The following SLC68A1 variants were observed in gnomAD, a reference collection of about 807,000 sequenced individuals.
SLC68A1 encodes solute carrier family 68 member 1, also known as major facilitator superfamily domain containing 13A.
At chr10:102,469,919 G>A in the SLC68A1 span, 6 of 1,542,802 alleles carry the variant, frequency 3.9e-6, no homozygotes, top group Non-Finnish European at 4.4e-6. Flanking sequence ...GGGGTGGTGA[G>A]CAGGCTGAGG....
chr10:102,472,118 GCAC>G, the SLC68A1 span: 9 of 436,972 alleles, frequency 2.1e-5, no homozygotes, highest in East Asian at 1.4e-4. Flanking sequence ...AGTTATGATT[GCAC>G]CACTGCACTC....
At chr10:102,470,412 G>T in the SLC68A1 span, among the ~76,000 whole-genome samples, 2 of 152,150 alleles carry the variant, frequency 1.3e-5, no homozygotes, top group East Asian at 3.9e-4. Context: ...TTGAGAAGTG[G>T]GCATCCCATA....
chr10:102,472,078 G>A, the SLC68A1 span: 24 of 453,782 alleles, frequency 5.3e-5, no homozygotes, highest in Non-Finnish European at 9.7e-5. Context: ...TGGAAAGACC[G>A]CTTGAGCCCA....
chr10:102,470,524 G>A, the SLC68A1 span: 1 of 1,357,240 alleles, frequency 7.4e-7, no homozygotes. Context: ...TTGCAGACTG[G>A]GGACTTAGGG....
At chr10:102,473,757 C>T in the SLC68A1 span, 16 of 1,609,346 alleles carry the variant, frequency 9.9e-6, no homozygotes, top group African/African-American at 1.6e-4. Context: ...CCCCTGCCCA[C>T]GCTCCCCGCA....
At chr10:102,469,928 G>T in the SLC68A1 span, 6 of 1,568,554 alleles carry the variant, frequency 3.8e-6, no homozygotes, top group East Asian at 6.9e-5. Context: ...AGCAGGCTGA[G>T]GGGGGAGGAG....
chr10:102,463,397 T>G, the SLC68A1 span, among the ~76,000 whole-genome samples: 2 of 152,092 alleles, frequency 1.3e-5, no homozygotes, highest in Non-Finnish European at 2.9e-5. Context: ...GATCTCGATC[T>G]CCTGACCTCG....
At chr10:102,472,909 TGTC>T in the SLC68A1 span, 1 of 1,614,202 alleles carries the variant, frequency 6.2e-7, no homozygotes, top group Non-Finnish European at 8.5e-7. Context: ...GAGCATCTGT[TGTC>T]CGACCATATC....
the SLC68A1 span, chr10:102,470,954 T>A: frequency 1.9e-6 from 3 of 1,613,390 alleles, no homozygotes; most frequent in African/African-American, 4.0e-5. Flanking sequence ...CTTTGCATCC[T>A]ATGCCTTTTG....
At chr10:102,476,052 G>GTTTTTTT in the SLC68A1 span, 24 of 669,252 alleles carry the variant, frequency 3.6e-5, 1 homozygote, top group Admixed American at 5.0e-5. Context: ...GTTTTTTTTG[G>GTTTTTTT]TTTTTTTTTT....
chr10:102,473,503 A>G, the SLC68A1 span: 1 of 1,489,552 alleles, frequency 6.7e-7, no homozygotes, highest in Non-Finnish European at 9.1e-7. Flanking sequence ...TCGGCTGTGA[A>G]GCTGATGGCG....
chr10:102,469,299 T>A, the SLC68A1 span: 1 of 1,173,082 alleles, frequency 8.5e-7, no homozygotes, highest in Non-Finnish European at 1.2e-6. Flanking sequence ...TCCCACCCAG[T>A]CAGAGGCCTG....
At chr10:102,470,980 C>T in the SLC68A1 span, 5 of 1,613,258 alleles carry the variant, frequency 3.1e-6, no homozygotes, top group Non-Finnish European at 4.2e-6. Context: ...AGGAGGATTT[C>T]TCCTCCTTCC....
At chr10:102,466,626 A>C in the SLC68A1 span, among the ~76,000 whole-genome samples, 1 of 151,742 alleles carries the variant, frequency 6.6e-6, no homozygotes, top group Non-Finnish European at 1.5e-5. Flanking sequence ...TGCTGATGGC[A>C]AAGGTCATAC....
the SLC68A1 span, chr10:102,471,045 C>A: frequency 6.2e-7 from 1 of 1,613,820 alleles, no homozygotes; most frequent in Non-Finnish European, 8.5e-7. Context: ...CTGGGGGCCA[C>A]ACAGCTGCTG....
chr10:102,471,036 T>TG, the SLC68A1 span: 3 of 1,613,694 alleles, frequency 1.9e-6, no homozygotes, highest in Non-Finnish European at 2.5e-6. Context: ...CTGGGCTTTC[T>TG]GGGGGCCACA....
At chr10:102,469,081 G>T in the SLC68A1 span, 2 of 1,614,096 alleles carry the variant, frequency 1.2e-6, no homozygotes, top group Non-Finnish European at 8.5e-7. Context: ...CACAGCTGTG[G>T]TCTATGGCTC....
At chr10:102,471,401 G>A in the SLC68A1 span, 1 of 1,609,212 alleles carries the variant, frequency 6.2e-7, no homozygotes, top group Non-Finnish European at 8.5e-7. Context: ...GTGCAGGTAT[G>A]GGGAGCAGCT....
chr10:102,469,380 G>A, the SLC68A1 span, among the ~76,000 whole-genome samples: 2 of 152,032 alleles, frequency 1.3e-5, no homozygotes, highest in Non-Finnish European at 2.9e-5. Context: ...TCCTCGATGG[G>A]GACTAGACTA....
Sources: allele counts gnomAD v4.1 joint callset (sites outside exome capture counted in the v4.1 genomes callset), GRCh38; gene constraint gnomAD v4.1.1; transcripts MANE v1.5; gene names NCBI Gene and HGNC (gene_info 2026-07-23, HGNC 2026-07-21).